Variants in OCA2 observed in about 807,000 individuals in gnomAD.
The protein encoded by OCA2 is P protein.
Under a neutral mutation model 100.2 loss-of-function variants are expected in OCA2, and 77 were observed. The observed-to-expected ratio is 0.77, with a 90% CI of 0.64 to 0.93. The LOEUF is 0.93. OCA2 is among the 40% of genes least tolerant of loss of function. The pLI is 0.00. For missense variants in OCA2, 1,062 were observed against 1,089.1 expected (o/e 0.98, Z 0.35); for synonymous variants, 432 against 439.2 (o/e 0.98, Z 0.21).
chr15:28,046,773 G>A (rs558831622), intron 2 of OCA2, among the ~76,000 whole-genome samples: 29 of 152,314 alleles, frequency 1.9e-4, no homozygotes, highest in East Asian at 1.5e-3. Context: ...GAAATGAACC[G>A]ATATTGTGAT....
At chr15:28,096,593 G>A (rs1188325590) in intron 1 of OCA2, among the ~76,000 whole-genome samples, 1 of 152,152 alleles carries the variant, frequency 6.6e-6, no homozygotes, top group Non-Finnish European at 1.5e-5. Flanking sequence ...AGGGTGCGGT[G>A]CCCCCACCCC....
At chr15:27,790,096 T>G (rs1001570806) in intron 23 of OCA2, among the ~76,000 whole-genome samples, 1 of 149,988 alleles carries the variant, frequency 6.7e-6, no homozygotes, top group African/African-American at 2.5e-5. Context: ...AATAAGAAAA[T>G]AATCCAATTT....
At chr15:27,841,115 A>ATCC (rs1338364007) in intron 23 of OCA2, among the ~76,000 whole-genome samples, 1 of 152,240 alleles carries the variant, frequency 6.6e-6, no homozygotes, top group Non-Finnish European at 1.5e-5. Context: ...CATCCATACC[A>ATCC]TGGAGTGCAA....
chr15:28,035,622 T>C (rs2043025679), intron 2 of OCA2, among the ~76,000 whole-genome samples: 1 of 152,244 alleles, frequency 6.6e-6, no homozygotes, highest in Non-Finnish European at 1.5e-5. Context: ...ATCTATATTA[T>C]TCCTGACTTT....
chr15:27,886,201 A>G (rs1333382826), intron 19 of OCA2, among the ~76,000 whole-genome samples: 5 of 152,226 alleles, frequency 3.3e-5, no homozygotes, highest in Non-Finnish European at 7.3e-5. Context: ...AGCTGCAGCC[A>G]GGTCATTTGT....
Position 27,757,368 on chromosome 15 carries a change from C to T in OCA2, c.2433-1896G>A, listed in dbSNP as rs76174114. On this transcript the variant is annotated intron_variant, in intron 23 of 23. Coordinates refer to ENST00000354638, the MANE Select transcript of OCA2 (RefSeq NM_000275.3). ...TATGCTAAGGGCCTCATAGACTAGACGTTGACATTATCTATTATTTCCCAA... is the reference window on the plus strand; with the variant it reads ...TATGCTAAGGGCCTCATAGACTAGATGTTGACATTATCTATTATTTCCCAA... Among the ~76,000 whole-genome samples, 307 of 152,330 alleles carry T rather than the reference C, an allele frequency of 2.0e-3. 8 individuals are homozygous for T. In the East Asian group the frequency reaches 0.054, roughly 27 times the overall value.
chr15:27,949,250 G>C (rs781246566), intron 18 of OCA2, among the ~76,000 whole-genome samples: 1 of 152,174 alleles, frequency 6.6e-6, no homozygotes, highest in African/African-American at 2.4e-5. Flanking sequence ...AGTGTACAGT[G>C]TGTGCGCTGT....
chr15:27,756,746 G>A (rs574270080), intron 23 of OCA2, among the ~76,000 whole-genome samples: 3 of 151,986 alleles, frequency 2.0e-5, no homozygotes, highest in East Asian at 3.9e-4. Flanking sequence ...GTAAGATGCC[G>A]AGAATCTCAA....
intron 2 of OCA2, among the ~76,000 whole-genome samples, chr15:28,070,295 C>A (rs1273135950): frequency 6.9e-6 from 1 of 144,424 alleles, no homozygotes; most frequent in Non-Finnish European, 1.5e-5. Context: ...GCAGCCACCC[C>A]GTCCGGGAGG....
intron 23 of OCA2, among the ~76,000 whole-genome samples, chr15:27,779,645 T>C (rs1498510): frequency 0.14 from 20,778 of 152,212 alleles, 2,331 homozygotes; most frequent in East Asian, 0.59. Flanking sequence ...TCAGCCTATA[T>C]GTGTCCTTAA....
intron 23 of OCA2, among the ~76,000 whole-genome samples, chr15:27,802,231 A>G (rs1025123817): frequency 1.2e-4 from 18 of 152,218 alleles, no homozygotes; most frequent in Admixed American, 3.3e-4. Context: ...ACTTAGAAAC[A>G]AAGTTGACAA....
intron 21 of OCA2, among the ~76,000 whole-genome samples, chr15:27,866,739 A>G (rs1172128236): frequency 6.6e-6 from 1 of 152,162 alleles, no homozygotes; most frequent in Non-Finnish European, 1.5e-5. Flanking sequence ...ATCGAGGAGA[A>G]AGCGCTGAGG....
intron 9 of OCA2, among the ~76,000 whole-genome samples, chr15:27,998,129 T>C (rs1195712434): frequency 6.8e-6 from 1 of 146,416 alleles, no homozygotes; most frequent in Non-Finnish European, 1.5e-5. Context: ...ATTCAGGACA[T>C]AGGCATGGGC....
chr15:27,779,216 T>A (rs1419781404), intron 23 of OCA2, among the ~76,000 whole-genome samples: 1 of 152,234 alleles, frequency 6.6e-6, no homozygotes, highest in Non-Finnish European at 1.5e-5. Flanking sequence ...GAATGTTCCC[T>A]GTGTACTTGG....
chr15:27,722,909 T>G, the OCA2 span, among the ~76,000 whole-genome samples: 2 of 151,636 alleles, frequency 1.3e-5, no homozygotes, highest in African/African-American at 4.9e-5. Context: ...TGGCGTGATC[T>G]TGACTCTTTG....
At chr15:28,086,343 G>T (rs2044775765) in intron 1 of OCA2, among the ~76,000 whole-genome samples, 3 of 152,182 alleles carry the variant, frequency 2.0e-5, no homozygotes, top group African/African-American at 7.2e-5. Context: ...ACTCAGCCAG[G>T]GTGATATCAG....
chr15:27,828,608 G>A (rs772292223), intron 23 of OCA2, among the ~76,000 whole-genome samples: 20 of 152,114 alleles, frequency 1.3e-4, no homozygotes, highest in East Asian at 5.8e-4. Context: ...TCCCATGGCC[G>A]AGACAAATAC....
In OCA2 at chr15:27,983,465, G is replaced by A; in HGVS notation, c.1383C>T (p.Asn461=). 6.2e-7 allele frequency: 1 copy of A among 1,614,222 alleles called. No individual in the cohort carries two copies. The highest frequency in any genetic ancestry group is 8.5e-7 in the Non-Finnish European group (1 of 1,180,034). The change falls in exon 14 of 24, where the codon AAC becomes AAT. Residue 461 remains asparagine, a synonymous_variant. Coordinates refer to ENST00000354638, the MANE Select transcript of OCA2 (RefSeq NM_000275.3). Reference sequence around the variant, plus strand: ...CAATCAGGACTTGTCTTGGATCAAGGTTGAGCACCTCACACAACCTGTCAC... The same window carrying A: ...CAATCAGGACTTGTCTTGGATCAAGATTGAGCACCTCACACAACCTGTCAC... ...PVTIRLCEVL[N]LDPRQVLIAE...
chr15:27,999,694 A>T (rs1293337677), intron 9 of OCA2, among the ~76,000 whole-genome samples: 1 of 152,214 alleles, frequency 6.6e-6, no homozygotes, highest in African/African-American at 2.4e-5. Flanking sequence ...TTGTTTACAG[A>T]TGTGATCTTA....
Sources: gnomAD v4.1 joint callset for allele counts (sites outside exome capture counted in the v4.1 genomes callset) on GRCh38, gnomAD v4.1.1 for gene constraint, MANE v1.5 for transcripts, NCBI Gene and HGNC (gene_info 2026-07-23, HGNC 2026-07-21) for gene names.